The following IL31RA variants were observed in gnomAD, a reference collection of about 807,000 sequenced individuals.
IL31RA encodes interleukin 31 receptor A.
IL31RA carries 66 observed loss-of-function variants against 83.7 expected under a neutral mutation model. The ratio of observed to expected loss-of-function variants is 0.79; its 90% CI spans 0.65 to 0.97. The LOEUF (loss-of-function observed/expected upper bound fraction) is 0.97, where lower values mean the gene tolerates loss of function less well. Among genes scored for constraint, IL31RA ranks in the 50% least tolerant of loss-of-function variants. The pLI is 0.00. For synonymous variants in IL31RA, 325 were observed against 329.0 expected (o/e 0.99, Z 0.13); for missense variants, 798 against 919.4 (o/e 0.87, Z 1.71).
intron 8 of IL31RA, among the ~76,000 whole-genome samples, chr5:55,904,051 C>T (rs1462711615): frequency 1.3e-5 from 2 of 152,216 alleles, no homozygotes; most frequent in African/African-American, 2.4e-5. Context: ...ACATGGCTAG[C>T]TTCTTGTGTG....
At chr5:55,856,974 C>T (rs1359030443) in intron 1 of IL31RA, among the ~76,000 whole-genome samples, 41 of 152,312 alleles carry the variant, frequency 2.7e-4, no homozygotes, top group Non-Finnish European at 1.2e-4. Context: ...GTTTCTTTGG[C>T]TGGAGTCCTG....
At chr5:55,857,833 G>A (rs1249215580) in intron 1 of IL31RA, among the ~76,000 whole-genome samples, 1 of 152,192 alleles carries the variant, frequency 6.6e-6, no homozygotes, top group Non-Finnish European at 1.5e-5. Flanking sequence ...GGTCAGAGAT[G>A]TGCTCTTCTT....
intron 4 of IL31RA, among the ~76,000 whole-genome samples, chr5:55,879,528 G>A (rs934562781): frequency 6.0e-5 from 8 of 133,266 alleles, no homozygotes; most frequent in Non-Finnish European, 1.2e-4. Flanking sequence ...CGCCTCCCAG[G>A]TTCAAGCGAT....
Position 55,896,334 on chromosome 5 carries a change from T to C in IL31RA, c.773-16T>C. Reference sequence around the variant, plus strand: ...CCTTATCTCTGGGTTGAGTACCTCATTCTTGTTCCTTACAGCTCCATGTGG... The same window carrying C: ...CCTTATCTCTGGGTTGAGTACCTCACTCTTGTTCCTTACAGCTCCATGTGG... On this transcript the variant is annotated splice_polypyrimidine_tract_variant and intron_variant, in intron 6 of 14. Coordinates refer to ENST00000652347, the MANE Select transcript of IL31RA (RefSeq NM_139017.7). The C allele has an allele frequency of 6.3e-7, 1 of 1,594,668 alleles. No individual in the cohort carries two copies. The highest frequency in any genetic ancestry group is 1.1e-5 in the South Asian group (1 of 90,706).
chr5:55,871,924 A>T (rs987501339), intron 3 of IL31RA, among the ~76,000 whole-genome samples: 1 of 152,114 alleles, frequency 6.6e-6, no homozygotes, highest in African/African-American at 2.4e-5. Context: ...ATAAATTTTT[A>T]AGGCTAGAAT....
At chr5:55,859,214 G>A (rs886605948) in intron 1 of IL31RA, among the ~76,000 whole-genome samples, 13 of 152,236 alleles carry the variant, frequency 8.5e-5, no homozygotes, top group Non-Finnish European at 1.6e-4. Flanking sequence ...TGGCCTCATA[G>A]CTGCACATAC....
Position 55,909,057 on chromosome 5 carries a change from TC to T in IL31RA, c.1501+649del, listed in dbSNP as rs368375097. 3.7e-4 allele frequency: 86 copies of T among 234,810 alleles called. No individual in the cohort carries two copies. The East Asian group carries it at 0.013, about 34-fold the overall frequency. The allele number at this position is 234,810 out of a possible 1,614,324, so 14.5% of individuals were successfully genotyped here. Reference sequence around the variant, plus strand: ...CATTAGTCACTCCCCATTCCTCTCCTCCCACAGCCCCTGGCAACTACCAAAC... The same window carrying T: ...CATTAGTCACTCCCCATTCCTCTCCTCCACAGCCCCTGGCAACTACCAAAC... On this transcript the variant is annotated intron_variant, in intron 11 of 14. Transcript: ENST00000652347.
rs560530735 is a variant in IL31RA at position 55,851,470 on chromosome 5, T to G, written c.-101T>G. The G allele has an allele frequency of 1.9e-6, 3 of 1,609,012 alleles. No homozygotes were observed. The highest frequency in any genetic ancestry group is 2.5e-6 in the Non-Finnish European group (3 of 1,176,656). Reference sequence around the variant, plus strand: ...AAAAAATTGCAAAAAAAAATAGTAATAACCAGCATGGCACTAAATAGACCA... The same window carrying G: ...AAAAAATTGCAAAAAAAAATAGTAAGAACCAGCATGGCACTAAATAGACCA... On this transcript the variant is annotated 5_prime_UTR_variant, in exon 1 of 15. Transcript: ENST00000652347.
At chr5:55,884,983 C>A (rs1221866031) in intron 5 of IL31RA, among the ~76,000 whole-genome samples, 1 of 152,132 alleles carries the variant, frequency 6.6e-6, no homozygotes, top group Non-Finnish European at 1.5e-5. Flanking sequence ...GATTTGATAA[C>A]ACTTCCTTCT....
chr5:55,851,503 A>G lies in IL31RA; in HGVS notation c.-68A>G, dbSNP rs900460256. 3 of 1,613,800 alleles carry G rather than the reference A, an allele frequency of 1.9e-6. No individual in the cohort carries two copies. Among genetic ancestry groups the G allele is most frequent in the Non-Finnish European group, 2.5e-6 (3 of 1,179,814 alleles). On this transcript the variant is annotated 5_prime_UTR_variant, in exon 1 of 15. Transcript: ENST00000652347. ...ATGGCACTAAATAGACCATGAAAAG[A>G]CATGTGTGTGCAGTATGAAAATTGA...
intron 1 of IL31RA, chr5:55,853,622 TA>T (rs1745189920): frequency 6.5e-7 from 1 of 1,533,334 alleles, no homozygotes. Flanking sequence ...TTCTACTTTA[TA>T]AAAGTCTTTT....
intron 2 of IL31RA, among the ~76,000 whole-genome samples, chr5:55,867,839 T>C (rs1051622810): frequency 9.9e-5 from 15 of 152,012 alleles, no homozygotes; most frequent in Non-Finnish European, 1.8e-4. Flanking sequence ...ATCTCGTGGG[T>C]TATTTACTTA....
intron 6 of IL31RA, among the ~76,000 whole-genome samples, chr5:55,894,936 C>T (rs1417335027): frequency 6.6e-6 from 1 of 152,094 alleles, no homozygotes; most frequent in Non-Finnish European, 1.5e-5. Context: ...AGGCTGGTCT[C>T]GAACTCCTGA....
chr5:55,867,241 G>GTT (rs1746197174), intron 2 of IL31RA, among the ~76,000 whole-genome samples: 2 of 117,320 alleles, frequency 1.7e-5, no homozygotes, highest in African/African-American at 7.6e-5. Flanking sequence ...GTTTGTGTGT[G>GTT]TGTTTGTGTG....
intron 2 of IL31RA, among the ~76,000 whole-genome samples, chr5:55,867,997 TA>T (rs1355055509): frequency 6.6e-6 from 1 of 152,164 alleles, no homozygotes; most frequent in Non-Finnish European, 1.5e-5. Flanking sequence ...ATAAATATTT[TA>T]AGGTACCTGC....
intron 1 of IL31RA, 100 bp from the exon 2 acceptor site, chr5:55,859,409 C>G (rs1745537219): frequency 2.4e-6 from 2 of 843,524 alleles, no homozygotes. Flanking sequence ...AAATAGGATC[C>G]TTCCTCCTTC....
intron 2 of IL31RA, among the ~76,000 whole-genome samples, chr5:55,867,298 T>TGTGC (rs1746232265): frequency 9.8e-6 from 1 of 102,332 alleles, no homozygotes; most frequent in Admixed American, 8.8e-5. Context: ...TGCATGTGTG[T>TGTGC]GTGTGCGTGT....
chr5:55,877,051 T>G (rs1399092394), intron 4 of IL31RA, among the ~76,000 whole-genome samples: 1 of 152,204 alleles, frequency 6.6e-6, no homozygotes, highest in Admixed American at 6.5e-5. Flanking sequence ...ATCCCTCTTT[T>G]TTTCATTATT....
Position 55,918,607 on chromosome 5 carries a change from C to A in IL31RA, c.*1487C>A, listed in dbSNP as rs576882537. Among the ~76,000 whole-genome samples, 1 of 152,206 alleles carries A rather than the reference C, an allele frequency of 6.6e-6. No individual in the cohort carries two copies. The highest frequency in any genetic ancestry group is 3.4e-3 in the Middle Eastern group (1 of 294). ...GGCAGAGTTGGTCACTCAGTGGCAT[C>A]CTCTGGGTCATGTATTTGTCCGGCC... is the stretch of plus-strand genomic sequence containing the variant. On this transcript the variant is annotated 3_prime_UTR_variant, in exon 15 of 15. Coordinates refer to ENST00000652347, the MANE Select transcript of IL31RA (RefSeq NM_139017.7).
Sources: allele counts gnomAD v4.1 joint callset (sites outside exome capture counted in the v4.1 genomes callset), GRCh38; gene constraint gnomAD v4.1.1; transcripts MANE v1.5; gene names NCBI Gene and HGNC (gene_info 2026-07-23, HGNC 2026-07-21).